ZNF385D: variants seen among roughly 807,000 people sequenced by gnomAD.
The protein encoded by ZNF385D is zinc finger protein 385D, also known as zinc finger protein 659.
A neutral mutation model predicts 35.8 loss-of-function variants in ZNF385D; 15 were observed. The observed-to-expected ratio is 0.42, with a 90% CI of 0.28 to 0.64. The LOEUF is 0.64. Among genes scored for constraint, ZNF385D ranks in the 30% least tolerant of loss-of-function variants. ZNF385D has a pLI of 0.23. For missense variants in ZNF385D, 474 were observed against 494.6 expected, an observed-to-expected ratio of 0.96 and a Z score of 0.39; for synonymous variants, 212 against 186.8, an observed-to-expected ratio of 1.13 and a Z score of -1.10.
chr3:21,456,533 C>T (rs979178009), intron 4 of ZNF385D, among the ~76,000 whole-genome samples: 6 of 152,010 alleles, frequency 3.9e-5, no homozygotes, highest in Non-Finnish European at 8.8e-5. Context: ...GGGAATTGAA[C>T]AATGAGAACA....
At chr3:22,164,241 T>TTTTTTTTTTTTTTTTTTTTG (rs1706163472) in intron 3 of ZNF385D, among the ~76,000 whole-genome samples, 1 of 82,264 alleles carries the variant, frequency 1.2e-5, no homozygotes, top group Non-Finnish European at 2.3e-5. Context: ...TTTTTTTTTT[T>TTTTTTTTTTTTTTTTTTTTG]TTTTTTGAGA....
At chr3:21,784,902 CT>C (rs941092148) in intron 3 of ZNF385D, among the ~76,000 whole-genome samples, 7 of 151,954 alleles carry the variant, frequency 4.6e-5, no homozygotes, top group Non-Finnish European at 7.4e-5. Flanking sequence ...TTATCATGGA[CT>C]TTTTTGCATT....
chr3:21,923,476 A>G (rs1700577989), intron 3 of ZNF385D, among the ~76,000 whole-genome samples: 1 of 152,182 alleles, frequency 6.6e-6, no homozygotes, highest in Admixed American at 6.5e-5. Flanking sequence ...TTAAAACAGA[A>G]CTACTATTTG....
intron 4 of ZNF385D, among the ~76,000 whole-genome samples, chr3:21,448,981 C>CT (rs937242899): frequency 6.6e-6 from 1 of 151,724 alleles, no homozygotes; most frequent in Non-Finnish European, 1.5e-5. Flanking sequence ...GTCGATCTTT[C>CT]TTTTTTTTCT....
chr3:21,851,087 C>T (rs78494946), intron 3 of ZNF385D, among the ~76,000 whole-genome samples: 1 of 142,774 alleles, frequency 7.0e-6, no homozygotes, highest in Non-Finnish European at 1.6e-5. Flanking sequence ...AATATTATTA[C>T]CATGTTTAAA....
At chr3:21,435,562 A>G (rs1172931140) in intron 5 of ZNF385D, among the ~76,000 whole-genome samples, 2 of 152,050 alleles carry the variant, frequency 1.3e-5, no homozygotes, top group Admixed American at 1.3e-4. Context: ...ACCACAGCCC[A>G]CCAAAATTCT....
intron 4 of ZNF385D, among the ~76,000 whole-genome samples, chr3:21,443,477 A>G (rs1022002876): frequency 6.6e-6 from 1 of 152,214 alleles, no homozygotes; most frequent in East Asian, 1.9e-4. Flanking sequence ...GGAGGTAAAA[A>G]ATAAATGCAA....
chr3:22,023,884 G>A (rs573579037), intron 3 of ZNF385D, among the ~76,000 whole-genome samples: 1 of 152,192 alleles, frequency 6.6e-6, no homozygotes, highest in South Asian at 2.1e-4. Context: ...AGGACTCCCT[G>A]TATTAGTTCG....
intron 3 of ZNF385D, among the ~76,000 whole-genome samples, chr3:21,859,584 G>A: frequency 6.6e-6 from 1 of 151,550 alleles, no homozygotes; most frequent in East Asian, 1.9e-4. Context: ...CAAGGTGCAG[G>A]CCCATCAATT....
intron 3 of ZNF385D, among the ~76,000 whole-genome samples, chr3:21,757,252 C>T (rs892901187): frequency 1.1e-4 from 16 of 151,530 alleles, no homozygotes; most frequent in African/African-American, 3.4e-4. Context: ...GTGCCTCAGC[C>T]TCACTATAGT....
chr3:22,102,120 C>T (rs1701971430), intron 3 of ZNF385D, among the ~76,000 whole-genome samples: 2 of 151,782 alleles, frequency 1.3e-5, no homozygotes, highest in African/African-American at 4.8e-5. Context: ...TCAAAATGCC[C>T]TTGGATTGAC....
intron 3 of ZNF385D, among the ~76,000 whole-genome samples, chr3:21,992,980 A>G (rs1401787280): frequency 6.6e-6 from 1 of 152,230 alleles, no homozygotes; most frequent in Non-Finnish European, 1.5e-5. Flanking sequence ...CCACAGGAGT[A>G]GTATAGGAAT....
At chr3:22,002,052 C>A (rs1346525294) in intron 3 of ZNF385D, among the ~76,000 whole-genome samples, 2 of 150,914 alleles carry the variant, frequency 1.3e-5, no homozygotes, top group Non-Finnish European at 3.0e-5. Flanking sequence ...CAAGAGCAAA[C>A]CAAACTCAAA....
intron 3 of ZNF385D, among the ~76,000 whole-genome samples, chr3:21,977,157 G>A (rs1440390330): frequency 1.3e-5 from 2 of 152,166 alleles, no homozygotes; most frequent in Non-Finnish European, 2.9e-5. Context: ...ATTAGAGGAA[G>A]ATTGATTTCC....
chr3:21,571,797 T>G (rs1365897465), intron 2 of ZNF385D, among the ~76,000 whole-genome samples: 1 of 152,098 alleles, frequency 6.6e-6, no homozygotes, highest in African/African-American at 2.4e-5. Context: ...AATTTTATTG[T>G]AAAGGACACG....
intron 3 of ZNF385D, among the ~76,000 whole-genome samples, chr3:21,968,568 C>A (rs1410552476): frequency 6.6e-6 from 1 of 152,068 alleles, no homozygotes; most frequent in African/African-American, 2.4e-5. Context: ...TCTTGAATAC[C>A]CGTTTCAGGC....
At chr3:22,030,272 T>C (rs891879588) in intron 3 of ZNF385D, among the ~76,000 whole-genome samples, 7 of 82,856 alleles carry the variant, frequency 8.4e-5, no homozygotes, top group Admixed American at 6.0e-4. Context: ...TATATATATA[T>C]ATATATATAT....
intron 2 of ZNF385D, among the ~76,000 whole-genome samples, chr3:22,171,397 C>T (rs1203408917): frequency 6.6e-6 from 1 of 152,104 alleles, no homozygotes; most frequent in Non-Finnish European, 1.5e-5. Flanking sequence ...GATTTATTTG[C>T]TTACACATGA....
chr3:22,210,580 CA>C (rs1697454746), intron 2 of ZNF385D, among the ~76,000 whole-genome samples: 1 of 151,818 alleles, frequency 6.6e-6, no homozygotes, highest in African/African-American at 2.4e-5. Context: ...GTCTCCAATC[CA>C]TTGGACTAAA....
Sources: allele counts gnomAD v4.1 joint callset (sites outside exome capture counted in the v4.1 genomes callset), GRCh38; gene constraint gnomAD v4.1.1; transcripts MANE v1.5; gene names NCBI Gene and HGNC (gene_info 2026-07-23, HGNC 2026-07-21).